Variants in KCNH7 observed in about 807,000 individuals in gnomAD.
KCNH7 encodes voltage-gated inwardly rectifying potassium channel KCNH7.
In KCNH7, 49 loss-of-function variants were observed where a neutral mutation model predicts 120.8. The observed-to-expected ratio is 0.41, with a 90% CI of 0.32 to 0.51. KCNH7 has a LOEUF of 0.51. Ranked by LOEUF, KCNH7 falls within the 20% of genes least tolerant of loss-of-function variation. The pLI, the probability that KCNH7 is intolerant of heterozygous loss-of-function variation, is 0.38. For missense variants in KCNH7, 1,097 were observed against 1,446.6 expected (o/e 0.76, Z 3.92); for synonymous variants, 547 against 516.1 (o/e 1.06, Z -0.81).
At chr2:162,414,447 A>G (rs1687481958) in intron 9 of KCNH7, among the ~76,000 whole-genome samples, 1 of 151,362 alleles carries the variant, frequency 6.6e-6, no homozygotes, top group African/African-American at 2.4e-5. Context: ...ATTATGCATT[A>G]TATAGTTATA....
intron 6 of KCNH7, among the ~76,000 whole-genome samples, chr2:162,493,979 G>A (rs899421099): frequency 3.9e-5 from 6 of 152,132 alleles, no homozygotes; most frequent in African/African-American, 1.4e-4. Flanking sequence ...CATAAACTGA[G>A]TATTGAAATA....
intron 2 of KCNH7, among the ~76,000 whole-genome samples, chr2:162,781,529 G>A (rs1226782643): frequency 6.6e-6 from 1 of 152,020 alleles, no homozygotes; most frequent in African/African-American, 2.4e-5. Flanking sequence ...AGAGAATGAG[G>A]AAGGTAAAAA....
rs1687499591 is a variant in KCNH7 at position 162,415,049 on chromosome 2, T to A, written c.2154+8287A>T. ...ATAAATCATGCCGTATATTTAACAA[T>A]GTATAGCTAATCACTAACCAATGCT... On this transcript the variant is annotated intron_variant, in intron 9 of 15. Transcript: ENST00000332142. 2.0e-5 allele frequency among the ~76,000 whole-genome samples: 3 copies of A among 152,054 alleles called. No individual in the cohort carries two copies. In the South Asian group the frequency reaches 6.2e-4, roughly 31 times the overall value.
intron 7 of KCNH7, among the ~76,000 whole-genome samples, chr2:162,437,813 A>G (rs1688294325): frequency 6.6e-6 from 1 of 152,128 alleles, no homozygotes; most frequent in Non-Finnish European, 1.5e-5. Flanking sequence ...TTTAAACGCA[A>G]TACTTAGATA....
At chr2:162,555,418 T>C (rs1042436064) in intron 2 of KCNH7, among the ~76,000 whole-genome samples, 1 of 152,224 alleles carries the variant, frequency 6.6e-6, no homozygotes, top group African/African-American at 2.4e-5. Context: ...TTTGACATTT[T>C]ATTTCATCCT....
intron 2 of KCNH7, chr2:162,795,797 T>A (rs921520164): frequency 2.6e-5 from 4 of 152,086 alleles, no homozygotes; most frequent in Admixed American, 2.6e-4. Flanking sequence ...CTCTGACTGG[T>A]TCTATTTTTA....
At chr2:162,470,670 G>A (rs1689490485) in intron 6 of KCNH7, among the ~76,000 whole-genome samples, 2 of 151,792 alleles carry the variant, frequency 1.3e-5, no homozygotes, top group South Asian at 4.1e-4. Flanking sequence ...GGGAGGTGAG[G>A]GGCGCCTCTG....
intron 2 of KCNH7, among the ~76,000 whole-genome samples, chr2:162,615,798 G>C (rs1056509714): frequency 2.0e-5 from 3 of 152,068 alleles, no homozygotes; most frequent in Non-Finnish European, 4.4e-5. Context: ...CTCTGGGACA[G>C]TGTTTATGAA....
intron 2 of KCNH7, among the ~76,000 whole-genome samples, chr2:162,730,185 A>C (rs1345852830): frequency 6.6e-6 from 1 of 151,722 alleles, no homozygotes; most frequent in Non-Finnish European, 1.5e-5. Flanking sequence ...GAAATTAAGA[A>C]CCATGGATCC....
At chr2:162,777,943 AT>A (rs1216125671) in intron 2 of KCNH7, among the ~76,000 whole-genome samples, 1 of 152,132 alleles carries the variant, frequency 6.6e-6, no homozygotes, top group Non-Finnish European at 1.5e-5. Context: ...GGTTATTATC[AT>A]TTGTTTTTTT....
chr2:162,630,333 A>C (rs1683720894), intron 2 of KCNH7, among the ~76,000 whole-genome samples: 2 of 152,122 alleles, frequency 1.3e-5, no homozygotes, highest in Non-Finnish European at 2.9e-5. Flanking sequence ...CATTGTTATG[A>C]CATGAAAATA....
At position 162,517,973 on chromosome 2, in the gene KCNH7, T is replaced by C; in HGVS notation, c.649A>G (p.Lys217Glu). ...CATTTGCTGGGCTGTATCAAAGCTT[T>C]TGTGTCATCTGCTTCAGAGGGGCTG... ...SCSPSEADDT[K>E]ALIQPSKCSP... Residue 217 changes from lysine to glutamate, a missense_variant, in exon 4 of 16, where the codon AAA becomes GAA. Lys to Glu is a moderately conservative substitution (Grantham distance 56). Transcript: ENST00000332142. 2 of 1,612,534 alleles carry C rather than the reference T, an allele frequency of 1.2e-6. No homozygotes were observed. The highest frequency in any genetic ancestry group is 2.2e-5 in the South Asian group (2 of 91,060).
chr2:162,389,440 T>G lies in KCNH7; in HGVS notation c.2711-4501A>C, dbSNP rs1306917344. The stretch of plus-strand genomic sequence containing the variant: ...TTGAGGCTACTTGCCGACTTTATTC[T>G]TGAACATTATTCTTTATGCTTTTGG... On this transcript the variant is annotated intron_variant, in intron 12 of 15. Transcript: ENST00000332142. Among the ~76,000 whole-genome samples, 4 of 152,150 alleles carry G rather than the reference T, an allele frequency of 2.6e-5. No homozygotes were observed. In the South Asian group the frequency reaches 6.2e-4, roughly 24 times the overall value.
Position 162,371,670 on chromosome 2 carries a change from G to T in KCNH7, c.*159C>A. On this transcript the variant is annotated 3_prime_UTR_variant, in exon 16 of 16. Transcript: ENST00000332142. ...TGTATATTTACATCCTAACTGCTCA[G>T]TTTTACCTTACAAGCTTCAATTTAG... 1 of 845,904 alleles carries T rather than the reference G, an allele frequency of 1.2e-6. No homozygotes were observed. The allele number at this position is 845,904 out of a possible 1,614,324, so 52.4% of individuals were successfully genotyped here. A position where few individuals can be genotyped will look rare whatever the true frequency, so the allele number is the denominator to read the frequency against.
intron 2 of KCNH7, among the ~76,000 whole-genome samples, chr2:162,719,425 G>T (rs1230628453): frequency 6.6e-6 from 1 of 151,880 alleles, no homozygotes; most frequent in Non-Finnish European, 1.5e-5. Context: ...ATTCTAAAAG[G>T]TAGAAATGTC....
chr2:162,554,834 A>C (rs1248772276), intron 2 of KCNH7, among the ~76,000 whole-genome samples: 1 of 152,136 alleles, frequency 6.6e-6, no homozygotes, highest in Non-Finnish European at 1.5e-5. Context: ...CCATTTTGCT[A>C]TGTAAGGTAA....
chr2:162,519,924 C>T (rs1048526244), intron 3 of KCNH7, among the ~76,000 whole-genome samples: 1 of 151,716 alleles, frequency 6.6e-6, no homozygotes, highest in African/African-American at 2.4e-5. Flanking sequence ...AACTCATGAA[C>T]ATTTCTCCAT....
At chr2:162,752,679 A>T (rs537861359) in intron 2 of KCNH7, among the ~76,000 whole-genome samples, 2 of 151,694 alleles carry the variant, frequency 1.3e-5, no homozygotes, top group Non-Finnish European at 2.9e-5. Flanking sequence ...CAGGCAGATC[A>T]CTTGAGGTCA....
intron 2 of KCNH7, among the ~76,000 whole-genome samples, chr2:162,768,407 A>G (rs1408387798): frequency 1.3e-5 from 2 of 152,096 alleles, no homozygotes; most frequent in Non-Finnish European, 1.5e-5. Context: ...TCGATCATCT[A>G]GCATCATCCA....
Sources: gnomAD v4.1 joint callset for allele counts (sites outside exome capture counted in the v4.1 genomes callset) on GRCh38, gnomAD v4.1.1 for gene constraint, MANE v1.5 for transcripts, NCBI Gene and HGNC (gene_info 2026-07-23, HGNC 2026-07-21) for gene names.